The following OOEP variants were observed in gnomAD, a reference collection of about 807,000 sequenced individuals.
The protein encoded by OOEP is oocyte expressed protein.
In OOEP, 16 loss-of-function variants were observed where a neutral mutation model predicts 13.7. The ratio of observed to expected loss-of-function variants is 1.16; its 90% CI spans 0.79 to 1.77. OOEP has a LOEUF of 1.77. Ranked by LOEUF, OOEP falls within the 40% of genes most tolerant of loss-of-function variation. The pLI is 0.00. For synonymous variants in OOEP, 89 were observed against 77.1 expected (o/e 1.15, Z -0.81); for missense variants, 195 against 193.1 (o/e 1.01, Z -0.06).
intron 2 of OOEP, among the ~76,000 whole-genome samples, chr6:73,390,603 C>T (rs751071865): frequency 5.2e-5 from 7 of 134,458 alleles, no homozygotes; most frequent in African/African-American, 8.4e-5. Flanking sequence ...TTTTTTGAGA[C>T]GGAGTTTCGT....
chr6:73,389,180 G>A (rs973090047), intron 2 of OOEP, among the ~76,000 whole-genome samples: 1 of 152,202 alleles, frequency 6.6e-6, no homozygotes, highest in Admixed American at 6.5e-5. Flanking sequence ...GCAGGCGGAG[G>A]AGAAAGGCCA....
At position 73,377,474 on chromosome 6, in the gene OOEP, C is replaced by T. The variant is rs115010128; in HGVS notation, c.26-8089G>A. Among the ~76,000 whole-genome samples the T allele has an allele frequency of 8.4e-3, 1,286 of 152,202 alleles. 14 individuals are homozygous for T. Among genetic ancestry groups the T allele is most frequent in the African/African-American group, 0.03 (1,227 of 41,558 alleles). On this transcript the variant is annotated intron_variant, in intron 2 of 3. Coordinates refer to the OOEP transcript ENST00000370363. ...ACTTTCTCAAGTTCTCGTGAATATA[C>T]CATTTCTACTTTATGAGTGAACTGT...
intron 2 of OOEP, among the ~76,000 whole-genome samples, chr6:73,388,435 T>A (rs1020026321): frequency 3.9e-5 from 6 of 152,214 alleles, no homozygotes; most frequent in African/African-American, 1.4e-4. Flanking sequence ...CTTTTATTTT[T>A]ATTTTTCCAA....
In OOEP at chr6:73,385,562, C is replaced by A. The variant is rs536726015; in HGVS notation, c.25+8784G>T. On this transcript the variant is annotated intron_variant, in intron 2 of 3. Coordinates refer to the OOEP transcript ENST00000370363. Reference sequence around the variant, plus strand: ...AAATCAACACCTACTACTAGGAATACAAAGTCTCTTCCCCAGCCTAAATAA... The same window carrying A: ...AAATCAACACCTACTACTAGGAATAAAAAGTCTCTTCCCCAGCCTAAATAA... Among the ~76,000 whole-genome samples, 11 of 151,384 alleles carry A rather than the reference C, an allele frequency of 7.3e-5. No individual in the cohort carries two copies. In the South Asian group the frequency reaches 1.0e-3, roughly 14 times the overall value.
chr6:73,385,120 G>A (rs557383215), intron 2 of OOEP, among the ~76,000 whole-genome samples: 1 of 151,640 alleles, frequency 6.6e-6, no homozygotes, highest in African/African-American at 2.4e-5. Context: ...GCCAAGGTGG[G>A]CAGATCACTA....
rs1769021234 is a variant in OOEP at position 73,369,879 on chromosome 6, A to C, written c.-87T>G. The C allele has an allele frequency of 1.6e-6, 2 of 1,238,872 alleles. No homozygotes were observed. Among genetic ancestry groups the C allele is most frequent in the South Asian group, 2.7e-5 (2 of 74,790 alleles). The allele number at this position is 1,238,872 out of a possible 1,614,324, so 76.7% of individuals were successfully genotyped here. ...AGGCGCGAAGCTCGGGCTCTCTTTT[A>C]CCATATTCGACCCGCTCCGCCCCTT... On this transcript the variant is annotated 5_prime_UTR_variant, in exon 1 of 3. Coordinates refer to ENST00000370359, the MANE Select transcript of OOEP (RefSeq NM_001080507.3).
In OOEP at chr6:73,369,602, C is replaced by T. The variant is rs932473207; in HGVS notation, c.190+1G>A. The T allele has an allele frequency of 1.1e-5, 18 of 1,613,078 alleles. No homozygotes were observed. Among genetic ancestry groups the T allele is most frequent in the Non-Finnish European group, 1.4e-5 (17 of 1,179,270 alleles). On this transcript the variant is annotated splice_donor_variant, in intron 1 of 2. Transcript: ENST00000370359. LOFTEE classifies it high-confidence loss of function. ...CCACTAGCACACCTGGGGTCGCTCA[C>T]CAAAGAGCTCGTCTGCCAGCCATGC...
At chr6:73,387,463 G>T (rs777217848) in intron 2 of OOEP, among the ~76,000 whole-genome samples, 1 of 152,038 alleles carries the variant, frequency 6.6e-6, no homozygotes, top group African/African-American at 2.4e-5. Context: ...GCAGTGAGCC[G>T]AGATAGCACC....
chr6:73,371,477 G>A (rs747984431), upstream of OOEP, among the ~76,000 whole-genome samples: 11 of 151,944 alleles, frequency 7.2e-5, no homozygotes, highest in Non-Finnish European at 1.3e-4. Flanking sequence ...GGCCAGACAC[G>A]GTCACTCATG....
intron 2 of OOEP, among the ~76,000 whole-genome samples, chr6:73,380,787 A>G (rs1198693760): frequency 6.6e-6 from 1 of 152,204 alleles, no homozygotes; most frequent in African/African-American, 2.4e-5. Context: ...ATTTATCTAC[A>G]CATTAGAAAC....
At chr6:73,389,624 CAT>C (rs1285591874) in intron 2 of OOEP, among the ~76,000 whole-genome samples, 2 of 145,844 alleles carry the variant, frequency 1.4e-5, no homozygotes, top group African/African-American at 5.2e-5. Flanking sequence ...TAACAGAACT[CAT>C]AGGTGGGAAT....
chr6:73,368,917 T>C, intron 2 of OOEP, 54 bp from the exon 3 acceptor site: 1 of 1,358,674 alleles, frequency 7.4e-7, no homozygotes. Context: ...GTTTGCTGTT[T>C]CGAACTACTC....
In OOEP at chr6:73,368,695, G is replaced by A. The variant is rs1021261403; in HGVS notation, c.*89C>T. On this transcript the variant is annotated 3_prime_UTR_variant, in exon 3 of 3. Coordinates refer to ENST00000370359, the MANE Select transcript of OOEP (RefSeq NM_001080507.3). ...ATCAAGACACAGGAAAAAGGAATAC[G>A]GGGATTTAAGAATGCTATACTTGCT... 24 of 828,716 alleles carry A rather than the reference G, an allele frequency of 2.9e-5. No homozygotes were observed. The Middle Eastern group carries it at 7.4e-4, about 26-fold the overall frequency. 51.3% of individuals were successfully genotyped at this position (828,716 alleles called of 1,614,324 possible).
rs1169476638 is a variant in OOEP, at chr6:73,386,977, G to GAAAA, written c.25+7365_25+7368dup. ...GAGTTAAGGGCAAAATTCCATCTCA[G>GAAAA]AAAAAAAAAAAAAAAAAAAAAAAAA... On this transcript the variant is annotated intron_variant, in intron 2 of 3. Transcript: ENST00000370363. 3.9e-4 allele frequency among the ~76,000 whole-genome samples: 12 copies of GAAAA among 30,876 alleles called. 1 individual carries two copies. Among genetic ancestry groups the GAAAA allele is most frequent in the Non-Finnish European group, 5.8e-4 (10 of 17,376 alleles). The allele number at this position is 30,876 out of a possible 152,430, so 20.3% of individuals were successfully genotyped here.
intron 2 of OOEP, among the ~76,000 whole-genome samples, chr6:73,379,688 T>G (rs1480999357): frequency 1.4e-5 from 2 of 147,356 alleles, no homozygotes; most frequent in Non-Finnish European, 3.0e-5. Context: ...TGTTTGTAAA[T>G]CTGTTTAATG....
chr6:73,369,404 ACT>A lies in OOEP; in HGVS notation c.191-21_191-20del. 2 of 1,602,086 alleles carry A rather than the reference ACT, an allele frequency of 1.2e-6. No homozygotes were observed. Among genetic ancestry groups the A allele is most frequent in the Non-Finnish European group, 1.7e-6 (2 of 1,174,412 alleles). On this transcript the variant is annotated intron_variant, in intron 1 of 2. Transcript: ENST00000370359. ...TCTGGGCCTAAACAAGTAAGGAAAA[ACT>A]CTGAGGGGCTGCACGGTGGCAGGTT...
At chr6:73,370,844 C>T (rs181510526), upstream of OOEP, among the ~76,000 whole-genome samples, 23 of 152,262 alleles carry the variant, frequency 1.5e-4, no homozygotes, top group East Asian at 2.5e-3. Context: ...TGCAGTGGCA[C>T]GATCTCGGTT....
intron 2 of OOEP, among the ~76,000 whole-genome samples, chr6:73,376,778 AG>A (rs1723211745): frequency 6.6e-6 from 1 of 152,126 alleles, no homozygotes; most frequent in Non-Finnish European, 1.5e-5. Context: ...CAGCCTCCCA[AG>A]TAGCTGGGAT....
At chr6:73,372,963 C>G (rs1002970890), upstream of OOEP, 2 of 611,898 alleles carry the variant, frequency 3.3e-6, no homozygotes, top group Admixed American at 2.6e-5. Context: ...ATTACTGAAT[C>G]CAGCCAACCA....
Sources: allele counts gnomAD v4.1 joint callset (sites outside exome capture counted in the v4.1 genomes callset), GRCh38; gene constraint gnomAD v4.1.1; transcripts MANE v1.5; gene names NCBI Gene and HGNC (gene_info 2026-07-23, HGNC 2026-07-21).